The following C1orf94 variants were observed in gnomAD, a reference collection of about 807,000 sequenced individuals.
C1orf94 encodes chromosome 1 open reading frame 94, also known as uncharacterized protein C1orf94.
Under a neutral mutation model 53.6 loss-of-function variants are expected in C1orf94, and 45 were observed. That is an observed-to-expected ratio of 0.84 (90% confidence interval 0.66 to 1.08). The LOEUF (loss-of-function observed/expected upper bound fraction) is 1.08. Ranked by LOEUF, C1orf94 falls within the 50% of genes least tolerant of loss-of-function variation. C1orf94 has a pLI of 0.00. For synonymous variants in C1orf94, 304 were observed against 296.1 expected, an observed-to-expected ratio of 1.03 and a Z score of -0.27; for missense variants, 762 against 738.9, an observed-to-expected ratio of 1.03 and a Z score of -0.36.
rs545736157 is a variant in C1orf94 at position 34,177,259 on chromosome 1, C to T, written c.-531C>T. Among the ~76,000 whole-genome samples, 136 of 152,342 alleles carry T rather than the reference C, an allele frequency of 8.9e-4. 1 individual carries two copies. In the South Asian group the frequency reaches 0.017, roughly 19 times the overall value. ...GGGGGTGGGAGTCGGGCCGTTGACG[C>T]TCGCTCTGCGAGGGGCTCCCTGGGA... On this transcript the variant is annotated 5_prime_UTR_variant, in exon 1 of 7. Transcript: ENST00000488417.
intron 5 of C1orf94, 121 bp from the exon 6 acceptor site, chr1:34,212,089 T>C: frequency 1.2e-6 from 1 of 802,690 alleles, no homozygotes; most frequent in Non-Finnish European, 1.9e-6. Flanking sequence ...TCCAACATGT[T>C]GCCTTCTGTG....
Position 34,212,232 on chromosome 1 carries a change from A to G in C1orf94, c.1547A>G (p.Gln516Arg). The change falls in exon 6 of 7, where the codon CAG (glutamine) becomes CGG (arginine). Residue 516 changes from glutamine to arginine, a missense_variant. By Grantham distance (43) the Gln-to-Arg change is conservative (BLOSUM62 1). Coordinates refer to ENST00000488417, the MANE Select transcript of C1orf94 (RefSeq NM_001134734.2). Reference protein sequence around the residue: ...SQQVMPYNPQQMGQQIFRSSY... With the variant: ...SQQVMPYNPQRMGQQIFRSSY... ...CAGGTGATGCCATACAACCCACAGC[A>G]GATGGGACAGCAGATCTTCCGCTCT... is the stretch of plus-strand genomic sequence containing the variant. 2 of 1,612,664 alleles carry G rather than the reference A, an allele frequency of 1.2e-6. No homozygotes were observed. The highest frequency in any genetic ancestry group is 1.7e-5 in the Admixed American group (1 of 59,918).
intron 1 of C1orf94, among the ~76,000 whole-genome samples, chr1:34,180,046 G>A (rs1303686575): frequency 6.6e-6 from 1 of 152,208 alleles, no homozygotes; most frequent in African/African-American, 2.4e-5. Context: ...TAAAGGCGGT[G>A]TGCTGGTGGA....
At chr1:34,174,835 A>G (rs1642198830), upstream of C1orf94, among the ~76,000 whole-genome samples, 1 of 152,242 alleles carries the variant, frequency 6.6e-6, no homozygotes, top group African/African-American at 2.4e-5. Flanking sequence ...CTAAGCTTAC[A>G]TTGCCAGAAA....
At chr1:34,195,207 C>A (rs1307012624) in intron 1 of C1orf94, among the ~76,000 whole-genome samples, 3 of 152,170 alleles carry the variant, frequency 2.0e-5, no homozygotes, top group African/African-American at 7.2e-5. Context: ...CCAGCCCACA[C>A]TAGCTAATGC....
At chr1:34,203,253 T>G (rs1423583952) in intron 4 of C1orf94, among the ~76,000 whole-genome samples, 1 of 152,188 alleles carries the variant, frequency 6.6e-6, no homozygotes, top group East Asian at 1.9e-4. Flanking sequence ...TTCTCCTACC[T>G]CAGCCTCCCA....
rs532701973 is a variant in C1orf94 at position 34,167,687 on chromosome 1, G to C, written c.-251+516G>C. Among the ~76,000 whole-genome samples, 14 of 152,038 alleles carry C rather than the reference G, an allele frequency of 9.2e-5. No homozygotes were observed. The East Asian group carries it at 2.7e-3, about 29-fold the overall frequency. ...ATGCACAGTGTGTGGTCCTGCTTTG[G>C]GAGGATGCAGGCCAGAGGTGGAAAC... On this transcript the variant is annotated intron_variant, in intron 1 of 6. Transcript: ENST00000373374.
chr1:34,208,278 C>T, intron 5 of C1orf94, 44 bp downstream of exon 5: 1 of 1,584,818 alleles, frequency 6.3e-7, no homozygotes, highest in Middle Eastern at 1.7e-4. Flanking sequence ...TCCATGAAGG[C>T]CTTTGGGTCA....
chr1:34,173,907 A>G (rs1449976912), upstream of C1orf94, among the ~76,000 whole-genome samples: 1 of 152,230 alleles, frequency 6.6e-6, no homozygotes, highest in Non-Finnish European at 1.5e-5. Flanking sequence ...CACCTCAAAC[A>G]GTGCTGGGCA....
At chr1:34,171,414 A>G (rs368817821) in intron 1 of C1orf94, among the ~76,000 whole-genome samples, 1 of 152,190 alleles carries the variant, frequency 6.6e-6, no homozygotes, top group Non-Finnish European at 1.5e-5. Context: ...TGCCTGGTAC[A>G]TGGTGAACAT....
chr1:34,188,082 A>G (rs1020064057), intron 1 of C1orf94, among the ~76,000 whole-genome samples: 2 of 152,124 alleles, frequency 1.3e-5, no homozygotes, highest in African/African-American at 2.4e-5. Context: ...TAGCTGCTGA[A>G]AATGCAGACA....
At chr1:34,204,864 T>TAA (rs35194964) in intron 4 of C1orf94, among the ~76,000 whole-genome samples, 4 of 145,404 alleles carry the variant, frequency 2.8e-5, no homozygotes, top group South Asian at 2.2e-4. Flanking sequence ...ACCCTGTCTC[T>TAA]AAAAAAAAAA....
chr1:34,178,837 A>G (rs969259568), intron 1 of C1orf94, among the ~76,000 whole-genome samples: 3 of 152,266 alleles, frequency 2.0e-5, no homozygotes, highest in Non-Finnish European at 4.4e-5. Context: ...TGCTGTGGTT[A>G]TTAATACCGC....
At chr1:34,205,602 CTG>C (rs756593536) in intron 4 of C1orf94, among the ~76,000 whole-genome samples, 18 of 152,180 alleles carry the variant, frequency 1.2e-4, no homozygotes, top group Non-Finnish European at 2.4e-4. Flanking sequence ...GGTAAAGACT[CTG>C]TAAAATTTAA....
intron 1 of C1orf94, among the ~76,000 whole-genome samples, chr1:34,171,053 A>G (rs1332819439): frequency 6.6e-6 from 1 of 152,080 alleles, no homozygotes; most frequent in African/African-American, 2.4e-5. Context: ...CACTCACCTG[A>G]TTTCACAGCT....
At chr1:34,211,363 A>T (rs115770990) in intron 5 of C1orf94, among the ~76,000 whole-genome samples, 1 of 151,898 alleles carries the variant, frequency 6.6e-6, no homozygotes, top group Non-Finnish European at 1.5e-5. Flanking sequence ...GGCTGGGGAG[A>T]TAGTGGTCAA....
At chr1:34,205,231 G>A (rs553879432) in intron 4 of C1orf94, among the ~76,000 whole-genome samples, 1 of 152,180 alleles carries the variant, frequency 6.6e-6, no homozygotes, top group East Asian at 1.9e-4. Flanking sequence ...GGCTGGTAAG[G>A]CCTGCTGGGT....
At chr1:34,172,695 G>A (rs887756433), upstream of C1orf94, among the ~76,000 whole-genome samples, 1 of 152,192 alleles carries the variant, frequency 6.6e-6, no homozygotes, top group Non-Finnish European at 1.5e-5. Flanking sequence ...GGAGAGAGAA[G>A]CCACAGAGTC....
At chr1:34,199,648 C>G (rs1297324160) in intron 2 of C1orf94, among the ~76,000 whole-genome samples, 1 of 152,220 alleles carries the variant, frequency 6.6e-6, no homozygotes, top group Non-Finnish European at 1.5e-5. Context: ...CAGTGCACAG[C>G]CATCTGGTGG....
Sources: gnomAD v4.1 joint callset for allele counts (sites outside exome capture counted in the v4.1 genomes callset) on GRCh38, gnomAD v4.1.1 for gene constraint, MANE v1.5 for transcripts, NCBI Gene and HGNC (gene_info 2026-07-23, HGNC 2026-07-21) for gene names.